The following OR4D1 variants were observed in gnomAD, a reference collection of about 807,000 sequenced individuals.
OR4D1 encodes the protein olfactory receptor family 4 subfamily D member 1, also known as olfactory receptor 4D1.
Under a neutral mutation model 14.2 loss-of-function variants are expected in OR4D1, and 10 were observed. That is an observed-to-expected ratio of 0.71 (90% confidence interval 0.44 to 1.20). The LOEUF is 1.20. Among genes scored for constraint, OR4D1 ranks in the 50% most tolerant of loss-of-function variants. The probability of loss-of-function intolerance (pLI) is 0.00; values close to 1 mark genes in which losing one functional copy is unlikely to be tolerated. For synonymous variants in OR4D1, 141 were observed against 147.4 expected (o/e 0.96, Z 0.32); for missense variants, 345 against 376.6 (o/e 0.92, Z 0.70).
intron 2 of OR4D1, among the ~76,000 whole-genome samples, 96 bp from the exon 3 acceptor site, chr17:58,153,761 G>C (rs1967730661): frequency 6.6e-6 from 1 of 152,154 alleles, no homozygotes; most frequent in South Asian, 2.1e-4. Flanking sequence ...TTAACACCAA[G>C]AACTCAGTTT....
At position 58,155,494 on chromosome 17, in the gene OR4D1, T is replaced by G. The variant is rs754337732; in HGVS notation, c.341T>G (p.Phe114Cys). ...FHLLGGGTVF[F>C]LSVMAYDRYI... Reference sequence around the variant, plus strand: ...CTTTTGGGAGGTGGGACTGTCTTTTTTCTCTCAGTCATGGCCTATGACCGC... The same window carrying G: ...CTTTTGGGAGGTGGGACTGTCTTTTGTCTCTCAGTCATGGCCTATGACCGC... The change falls in exon 4 of 4, where the codon TTT (phenylalanine) becomes TGT (cysteine). Residue 114 changes from phenylalanine (F) to cysteine (C), a missense_variant. By Grantham distance (205) the Phe-to-Cys change is radical. Coordinates refer to ENST00000268912, the MANE Select transcript of OR4D1 (RefSeq NM_001386095.1). 6.2e-7 allele frequency: 1 copy of G among 1,614,200 alleles called. No individual in the cohort carries two copies. Among genetic ancestry groups the G allele is most frequent in the Non-Finnish European group, 8.5e-7 (1 of 1,180,034 alleles).
chr17:58,152,643 G>A (rs1967715586), intron 2 of OR4D1, among the ~76,000 whole-genome samples: 1 of 152,144 alleles, frequency 6.6e-6, no homozygotes, highest in African/African-American at 2.4e-5. Context: ...AAAAATGTAT[G>A]GGGGTGGTAG....
rs771823156 is a variant in OR4D1 at position 58,155,643 on chromosome 17, C to T, written c.490C>T (p.Leu164Phe). The stretch of plus-strand genomic sequence containing the variant: ...CTCCATTGTCCAACTGGCTCTGATA[C>T]TTCCACTGCCCTTCTGTGGCCCCAA... ...VHSIVQLALI[L>F]PLPFCGPNIL... The change falls in exon 4 of 4, where the codon CTT becomes TTT. Residue 164 changes from leucine to phenylalanine, a missense_variant. Leu to Phe is a conservative substitution (Grantham distance 22, BLOSUM62 0). Coordinates refer to ENST00000268912, the MANE Select transcript of OR4D1 (RefSeq NM_001386095.1). The T allele has an allele frequency of 6.2e-7, 1 of 1,614,184 alleles. No individual in the cohort carries two copies. The highest frequency in any genetic ancestry group is 8.5e-7 in the Non-Finnish European group (1 of 1,180,022).
intron 3 of OR4D1, 140 bp from the exon 4 acceptor site, chr17:58,154,995 C>A (rs1967745566): frequency 3.2e-6 from 2 of 626,308 alleles, no homozygotes; most frequent in East Asian, 5.4e-5. Flanking sequence ...AACTTCCTCC[C>A]CGTGGAGGGC....
chr17:58,151,025 G>A (rs4793933), intron 2 of OR4D1, among the ~76,000 whole-genome samples: 102,581 of 152,094 alleles, frequency 0.67, 34,867 homozygotes, highest in East Asian at 0.84. Context: ...GTAAAGAAGA[G>A]AAAATATATG....
intron 2 of OR4D1, among the ~76,000 whole-genome samples, chr17:58,152,752 T>C (rs985164706): frequency 6.6e-6 from 1 of 151,990 alleles, no homozygotes; most frequent in African/African-American, 2.4e-5. Context: ...AGGGGCAACA[T>C]GACAGACCCT....
chr17:58,157,313 G>T lies in OR4D1; in HGVS notation c.*1227G>T. ...AGCCCTTCGAGACCGCCTCGGTCAA[G>T]TGGGAAAACTCCCTAAGACGGAGCG... On this transcript the variant is annotated 3_prime_UTR_variant, in exon 4 of 4. Transcript: ENST00000268912. The T allele has an allele frequency of 6.7e-7, 1 of 1,501,828 alleles. No homozygotes were observed. The allele number at this position is 1,501,828 out of a possible 1,614,324, so 93.0% of individuals were successfully genotyped here. A position where few individuals can be genotyped will look rare whatever the true frequency, so the allele number is the denominator to read the frequency against.
chr17:58,150,958 T>G (rs1967695898), intron 2 of OR4D1, among the ~76,000 whole-genome samples: 1 of 152,110 alleles, frequency 6.6e-6, no homozygotes, highest in South Asian at 2.1e-4. Flanking sequence ...CTTCTTTTGC[T>G]TTTTTTGATT....
At chr17:58,149,818 G>C (rs141846534) in intron 2 of OR4D1, 22 bp downstream of exon 2, 1 of 152,186 alleles carries the variant, frequency 6.6e-6, no homozygotes, top group Non-Finnish European at 1.5e-5. Context: ...ATAGTCATTA[G>C]GAGTGCAAAT....
At chr17:58,153,833 C>T (rs1190791441) in intron 2 of OR4D1, among the ~76,000 whole-genome samples, 24 bp from the exon 3 acceptor site, 2 of 152,174 alleles carry the variant, frequency 1.3e-5, no homozygotes, top group African/African-American at 4.8e-5. Flanking sequence ...TCCCTTCATG[C>T]TCTAATTTTC....
Position 58,157,051 on chromosome 17 carries a change from C to T in OR4D1, c.*965C>T, listed in dbSNP as rs540220763. ...CTGTTTTCGTCCAATGAGAAGGGGC[C>T]AGCGGTGGCGGTCGGGCCAGGTCCG... On this transcript the variant is annotated 3_prime_UTR_variant, in exon 4 of 4. Transcript: ENST00000268912. 4.9e-6 allele frequency: 6 copies of T among 1,225,844 alleles called. No homozygotes were observed. The East Asian group carries it at 1.5e-4, about 31-fold the overall frequency. The allele number at this position is 1,225,844 out of a possible 1,614,324, so 75.9% of individuals were successfully genotyped here.
rs536467068 is a variant in OR4D1, at chr17:58,157,601, C to T, written c.*1515C>T. On this transcript the variant is annotated 3_prime_UTR_variant, in exon 4 of 4. Coordinates refer to ENST00000268912, the MANE Select transcript of OR4D1 (RefSeq NM_001386095.1). ...CCGAAGGGCCAAGACGAAAAGACTG[C>T]AGGAGTCAGAACTGGAAAAGCTGAA... 1.4e-5 allele frequency: 22 copies of T among 1,612,674 alleles called. 1 individual carries two copies. In the South Asian group the frequency reaches 2.4e-4, roughly 18 times the overall value.
At chr17:58,150,656 G>A (rs1229205438) in intron 2 of OR4D1, among the ~76,000 whole-genome samples, 1 of 152,184 alleles carries the variant, frequency 6.6e-6, no homozygotes, top group Non-Finnish European at 1.5e-5. Flanking sequence ...AGCCATTACA[G>A]TGACACTCAA....
Position 58,157,672 on chromosome 17 carries a change from C to T in OR4D1, c.*1586C>T. 6.2e-7 allele frequency: 1 copy of T among 1,613,926 alleles called. No homozygotes were observed. Among genetic ancestry groups the T allele is most frequent in the Non-Finnish European group, 8.5e-7 (1 of 1,179,828 alleles). ...TACCCTCCAGCTTCAGTCTCCCTTT[C>T]CCCATCAGCTCGCCCCTGCAGGCAG... On this transcript the variant is annotated 3_prime_UTR_variant, in exon 4 of 4. Transcript: ENST00000268912.
At position 58,157,298 on chromosome 17, in the gene OR4D1, G is replaced by T; in HGVS notation, c.*1212G>T. 1 of 1,507,484 alleles carries T rather than the reference G, an allele frequency of 6.6e-7. No homozygotes were observed. The highest frequency in any genetic ancestry group is 1.3e-5 in the South Asian group (1 of 77,202). The allele number at this position is 1,507,484 out of a possible 1,614,324, so 93.4% of individuals were successfully genotyped here. ...CCGGGCCGCTGATCAAGCCCTTCGAGACCGCCTCGGTCAAGTGGGAAAACT... is the reference window on the plus strand; with the variant it reads ...CCGGGCCGCTGATCAAGCCCTTCGATACCGCCTCGGTCAAGTGGGAAAACT... On this transcript the variant is annotated 3_prime_UTR_variant, in exon 4 of 4. Transcript: ENST00000268912.
rs760452216 is a variant in OR4D1, at chr17:58,155,279, C to T, written c.126C>T (p.Asn42=). Reference sequence around the variant, plus strand: ...TCTATGTTACCACCATTGTGGGAAACCTCCTTATCATGGTCACAGTGACTT... The same window carrying T: ...TCTATGTTACCACCATTGTGGGAAATCTCCTTATCATGGTCACAGTGACTT... ...LLVYVTTIVG[N]LLIMVTVTFD... Residue 42 remains asparagine, a synonymous_variant, in exon 4 of 4, where the codon AAC becomes AAT. Coordinates refer to ENST00000268912, the MANE Select transcript of OR4D1 (RefSeq NM_001386095.1). 3 of 1,614,108 alleles carry T rather than the reference C, an allele frequency of 1.9e-6. No individual in the cohort carries two copies. The highest frequency in any genetic ancestry group is 1.3e-5 in the African/African-American group (1 of 75,000).
chr17:58,153,524 T>TA (rs1304468038), intron 2 of OR4D1, among the ~76,000 whole-genome samples: 10 of 152,230 alleles, frequency 6.6e-5, no homozygotes, highest in Non-Finnish European at 1.5e-4. Context: ...ATAATCCTGT[T>TA]ACATTTGTCC....
chr17:58,154,618 C>T (rs538537888), intron 3 of OR4D1, among the ~76,000 whole-genome samples: 1 of 152,224 alleles, frequency 6.6e-6, no homozygotes, highest in South Asian at 2.1e-4. Flanking sequence ...TCTTCTAATG[C>T]ACACCTCTCT....
rs2143666553 is a variant in OR4D1 at position 58,158,675 on chromosome 17, C to G, written c.*2589C>G. 6.6e-6 allele frequency: 1 copy of G among 152,168 alleles called. No individual in the cohort carries two copies. Among genetic ancestry groups the G allele is most frequent in the African/African-American group, 2.4e-5 (1 of 41,486 alleles). 9.4% of individuals were successfully genotyped at this position (152,168 alleles called of 1,614,324 possible). ...AGGAGTTGATGGTTTCTGAGAAATA[C>G]TAGGTACTTTCATCCTCACAGATTG... On this transcript the variant is annotated 3_prime_UTR_variant, in exon 4 of 4. Coordinates refer to ENST00000268912, the MANE Select transcript of OR4D1 (RefSeq NM_001386095.1).
Sources: gnomAD v4.1 joint callset for allele counts (sites outside exome capture counted in the v4.1 genomes callset) on GRCh38, gnomAD v4.1.1 for gene constraint, MANE v1.5 for transcripts, NCBI Gene and HGNC (gene_info 2026-07-23, HGNC 2026-07-21) for gene names.